TRPC7: variants seen among roughly 807,000 people sequenced by gnomAD.
The protein encoded by TRPC7 is transient receptor potential cation channel subfamily C member 7.
Under a neutral mutation model 90.1 loss-of-function variants are expected in TRPC7, and 42 were observed. The ratio of observed to expected loss-of-function variants is 0.47; its 90% CI spans 0.36 to 0.60. The LOEUF is 0.60. TRPC7 is among the 20% of genes least tolerant of loss of function. The pLI is 0.00. For missense variants in TRPC7, 955 were observed against 1,112.3 expected, an observed-to-expected ratio of 0.86 and a Z score of 2.01; for synonymous variants, 451 against 436.3, an observed-to-expected ratio of 1.03 and a Z score of -0.42.
chr5:136,280,229 G>GC (rs1757504034), intron 3 of TRPC7, among the ~76,000 whole-genome samples: 2 of 152,106 alleles, frequency 1.3e-5, no homozygotes. Flanking sequence ...AAGTTCCTCA[G>GC]CCCCCAAAGA....
At chr5:136,318,548 T>G (rs546461632) in intron 2 of TRPC7, among the ~76,000 whole-genome samples, 1 of 152,212 alleles carries the variant, frequency 6.6e-6, no homozygotes, top group East Asian at 1.9e-4. Flanking sequence ...TCTCCCAACA[T>G]GACTGCATTG....
chr5:136,334,048 T>A (rs529062166), intron 2 of TRPC7, among the ~76,000 whole-genome samples: 72 of 152,286 alleles, frequency 4.7e-4, no homozygotes, highest in East Asian at 3.7e-3. Context: ...GATTTTTTTT[T>A]AAAATAACAA....
chr5:136,239,351 G>T (rs1049621390), intron 7 of TRPC7, among the ~76,000 whole-genome samples: 1 of 152,202 alleles, frequency 6.6e-6, no homozygotes, highest in Non-Finnish European at 1.5e-5. Flanking sequence ...AATAAAGTCT[G>T]ATGGTGAAAC....
chr5:136,310,740 T>TC (rs1305733274), intron 3 of TRPC7, among the ~76,000 whole-genome samples: 3 of 152,010 alleles, frequency 2.0e-5, no homozygotes, highest in East Asian at 1.9e-4. Flanking sequence ...TTAAGAGACT[T>TC]CCCCCACCCC....
chr5:136,274,641 C>A, intron 4 of TRPC7, 32 bp downstream of exon 4: 3 of 1,550,168 alleles, frequency 1.9e-6, no homozygotes, highest in Admixed American at 2.0e-5. Context: ...AAGAAATAAC[C>A]GCAAACGACA....
intron 2 of TRPC7, among the ~76,000 whole-genome samples, chr5:136,326,507 T>C (rs1360014775): frequency 6.6e-6 from 1 of 152,024 alleles, no homozygotes; most frequent in Non-Finnish European, 1.5e-5. Context: ...AAAGTAAGAA[T>C]AGGGGAAGAG....
chr5:136,270,237 G>C (rs1278877559), intron 4 of TRPC7, among the ~76,000 whole-genome samples: 1 of 152,176 alleles, frequency 6.6e-6, no homozygotes, highest in Non-Finnish European at 1.5e-5. Flanking sequence ...TGGAGCCAGA[G>C]ACTCTAGGTT....
intron 4 of TRPC7, among the ~76,000 whole-genome samples, chr5:136,270,540 G>A (rs752611847): frequency 6.6e-6 from 1 of 152,148 alleles, no homozygotes; most frequent in African/African-American, 2.4e-5. Flanking sequence ...GAGCCTGTTC[G>A]GGATATCTCT....
At chr5:136,225,008 G>A (rs575937502) in intron 10 of TRPC7, among the ~76,000 whole-genome samples, 1 of 152,242 alleles carries the variant, frequency 6.6e-6, no homozygotes, top group Admixed American at 6.5e-5. Flanking sequence ...ACCAGTTTGA[G>A]GGCATACACT....
chr5:136,276,682 C>T (rs1580890844), intron 3 of TRPC7, among the ~76,000 whole-genome samples: 1 of 152,158 alleles, frequency 6.6e-6, no homozygotes, highest in Non-Finnish European at 1.5e-5. Flanking sequence ...TTCTTTGTGG[C>T]ATTACTGCTA....
In TRPC7 at chr5:136,216,287, A is replaced by G; in HGVS notation, c.2344-12T>C. On this transcript the variant is annotated splice_polypyrimidine_tract_variant and intron_variant, in intron 10 of 11. Coordinates refer to ENST00000513104, the MANE Select transcript of TRPC7 (RefSeq NM_020389.3). ...CGTTTCATGATTTTCTGAAATGCCA[A>G]GCAAGGAAGGGATCAGACAGGGCTG... 6.2e-7 allele frequency: 1 copy of G among 1,607,956 alleles called. No individual in the cohort carries two copies.
chr5:136,341,303 G>A (rs1405331572), intron 2 of TRPC7, among the ~76,000 whole-genome samples: 1 of 152,014 alleles, frequency 6.6e-6, no homozygotes, highest in East Asian at 1.9e-4. Flanking sequence ...GGGAGAAAGA[G>A]GTAGACTTGG....
intron 3 of TRPC7, among the ~76,000 whole-genome samples, chr5:136,277,135 G>A (rs561235221): frequency 3.3e-4 from 51 of 152,374 alleles, no homozygotes; most frequent in African/African-American, 1.2e-3. Context: ...CCTCTTGGCA[G>A]ACAGGTCAGC....
chr5:136,232,645 C>T (rs995793526), intron 7 of TRPC7, among the ~76,000 whole-genome samples: 2 of 152,202 alleles, frequency 1.3e-5, no homozygotes, highest in Non-Finnish European at 2.9e-5. Flanking sequence ...TACGAAGTAA[C>T]TGAAATACAG....
At chr5:136,328,992 G>T (rs1242310181) in intron 2 of TRPC7, among the ~76,000 whole-genome samples, 2 of 152,246 alleles carry the variant, frequency 1.3e-5, no homozygotes, top group Admixed American at 1.3e-4. Flanking sequence ...CACTGAGTCT[G>T]CAGGTCACTG....
At chr5:136,286,937 C>A (rs1412726640) in intron 3 of TRPC7, among the ~76,000 whole-genome samples, 1 of 152,202 alleles carries the variant, frequency 6.6e-6, no homozygotes, top group Non-Finnish European at 1.5e-5. Flanking sequence ...GGCCTCATGA[C>A]CATCTGAAAT....
intron 7 of TRPC7, among the ~76,000 whole-genome samples, chr5:136,238,339 A>C (rs1480849756): frequency 6.6e-6 from 1 of 151,886 alleles, no homozygotes; most frequent in African/African-American, 2.4e-5. Context: ...CTCCTTCGTC[A>C]CTCTGTCCTC....
chr5:136,323,596 C>A (rs1329929126), intron 2 of TRPC7, among the ~76,000 whole-genome samples: 1 of 152,114 alleles, frequency 6.6e-6, no homozygotes, highest in African/African-American at 2.4e-5. Context: ...AAAGATTATT[C>A]TTTCTTCATG....
intron 10 of TRPC7, chr5:136,222,219 T>C (rs1755483724): frequency 6.6e-6 from 1 of 150,554 alleles, no homozygotes; most frequent in African/African-American, 2.4e-5. Flanking sequence ...AACAAAGACC[T>C]CACAAAAGCA....
Sources: gnomAD v4.1 joint callset for allele counts (sites outside exome capture counted in the v4.1 genomes callset) on GRCh38, gnomAD v4.1.1 for gene constraint, MANE v1.5 for transcripts, NCBI Gene and HGNC (gene_info 2026-07-23, HGNC 2026-07-21) for gene names.